The following MGAT5 variants were observed in gnomAD, a reference collection of about 807,000 sequenced individuals.
MGAT5 encodes alpha-1,6-mannosylglycoprotein 6-beta-N-acetylglucosaminyltransferase A.
Under a neutral mutation model 94.3 loss-of-function variants are expected in MGAT5, and 30 were observed. The observed-to-expected ratio is 0.32, with a 90% CI of 0.24 to 0.43. The LOEUF is 0.43. Among genes scored for constraint, MGAT5 ranks in the 20% least tolerant of loss-of-function variants. The pLI, the probability that MGAT5 is intolerant of heterozygous loss-of-function variation, is 1.00. For synonymous variants in MGAT5, 310 were observed against 322.9 expected, an observed-to-expected ratio of 0.96 and a Z score of 0.43; for missense variants, 691 against 905.5, an observed-to-expected ratio of 0.76 and a Z score of 3.04.
chr2:134,369,834 A>G (rs548193153), intron 10 of MGAT5, among the ~76,000 whole-genome samples: 22 of 151,980 alleles, frequency 1.4e-4, no homozygotes, highest in African/African-American at 4.6e-4. Flanking sequence ...TTTGATGACA[A>G]CTGGATAAGA....
At chr2:134,274,731 C>T (rs1033319010) in intron 2 of MGAT5, among the ~76,000 whole-genome samples, 2 of 152,180 alleles carry the variant, frequency 1.3e-5, no homozygotes, top group South Asian at 2.1e-4. Flanking sequence ...TGCAAGGTCA[C>T]TTGGGAAGCA....
intron 1 of MGAT5, among the ~76,000 whole-genome samples, chr2:134,204,321 T>A (rs984477235): frequency 6.6e-6 from 1 of 152,168 alleles, no homozygotes; most frequent in Non-Finnish European, 1.5e-5. Context: ...GTACGAGAAA[T>A]TCTAATTTCT....
intron 2 of MGAT5, among the ~76,000 whole-genome samples, chr2:134,309,128 G>T (rs550226168): frequency 1.6e-4 from 24 of 152,226 alleles, no homozygotes; most frequent in African/African-American, 5.8e-4. Flanking sequence ...TGTTTTCAAG[G>T]TTCATCTGTG....
chr2:134,343,744 T>A (rs1176497915), intron 7 of MGAT5, among the ~76,000 whole-genome samples: 2 of 152,166 alleles, frequency 1.3e-5, no homozygotes, highest in African/African-American at 2.4e-5. Context: ...AAACTATGGC[T>A]CAGCAGGCCA....
intron 1 of MGAT5, among the ~76,000 whole-genome samples, chr2:134,193,703 GT>G (rs1679352772): frequency 6.6e-6 from 1 of 151,364 alleles, no homozygotes; most frequent in Admixed American, 6.6e-5. Context: ...GTGTGTGTGT[GT>G]GTGTGTGTGT....
At chr2:134,297,319 G>T (rs1191125710) in intron 2 of MGAT5, among the ~76,000 whole-genome samples, 1 of 151,950 alleles carries the variant, frequency 6.6e-6, no homozygotes, top group East Asian at 1.9e-4. Flanking sequence ...AATTCTTTTA[G>T]GTATGTTAAG....
At chr2:134,191,731 C>CCCTCCT (rs530032788) in intron 1 of MGAT5, among the ~76,000 whole-genome samples, 4 of 139,304 alleles carry the variant, frequency 2.9e-5, no homozygotes, top group East Asian at 2.3e-4. Context: ...TGGGTTCGCG[C>CCCTCCT]CCTCCTCCTC....
chr2:134,280,444 CAG>C (rs1684621826), intron 2 of MGAT5, among the ~76,000 whole-genome samples: 2 of 152,242 alleles, frequency 1.3e-5, no homozygotes, highest in African/African-American at 4.8e-5. Flanking sequence ...CTGGGATTGA[CAG>C]AGCATTATAA....
At chr2:134,245,949 A>C (rs1357535023) in intron 1 of MGAT5, among the ~76,000 whole-genome samples, 1 of 152,188 alleles carries the variant, frequency 6.6e-6, no homozygotes, top group Non-Finnish European at 1.5e-5. Context: ...TAGTGTAATG[A>C]ATTAAAACTC....
chr2:134,234,969 G>A (rs957283463), intron 1 of MGAT5, among the ~76,000 whole-genome samples: 10 of 130,852 alleles, frequency 7.6e-5, no homozygotes, highest in South Asian at 5.3e-4. Flanking sequence ...TTGCAGATGC[G>A]TTTTATTTGG....
At chr2:134,202,836 TCTCCCCCAAAAAATCAATG>T (rs1466832103) in intron 1 of MGAT5, among the ~76,000 whole-genome samples, 2 of 151,748 alleles carry the variant, frequency 1.3e-5, no homozygotes, top group African/African-American at 4.8e-5. Flanking sequence ...CAAACACAAT[TCTCCCCCAAAAAATCAATG>T]CAATTTCCTA....
At chr2:134,281,587 A>T (rs1684698406) in intron 2 of MGAT5, among the ~76,000 whole-genome samples, 1 of 152,202 alleles carries the variant, frequency 6.6e-6, no homozygotes, top group African/African-American at 2.4e-5. Context: ...GCAATGATGT[A>T]CAGGAACTGG....
At chr2:134,203,576 G>GGAGGCTGAATGGAAGAGAGGAC (rs1404062256) in intron 1 of MGAT5, among the ~76,000 whole-genome samples, 8 of 152,098 alleles carry the variant, frequency 5.3e-5, no homozygotes, top group African/African-American at 1.4e-4. Context: ...GAGGGTGTGC[G>GGAGGCTGAATGGAAGAGAGGAC]GAGGCTGAAT....
intron 2 of MGAT5, among the ~76,000 whole-genome samples, chr2:134,283,582 A>G (rs918874896): frequency 6.7e-6 from 1 of 150,240 alleles, no homozygotes; most frequent in African/African-American, 2.5e-5. Context: ...ATAGGGTTCA[A>G]CTTCTTGTCT....
chr2:134,349,504 C>T (rs1679227004), intron 8 of MGAT5, among the ~76,000 whole-genome samples: 1 of 152,158 alleles, frequency 6.6e-6, no homozygotes, highest in Non-Finnish European at 1.5e-5. Flanking sequence ...TTGAACATGG[C>T]AGTCCCCAGT....
intron 1 of MGAT5, among the ~76,000 whole-genome samples, chr2:134,184,375 G>T (rs1688893700): frequency 6.6e-6 from 1 of 152,122 alleles, no homozygotes; most frequent in Non-Finnish European, 1.5e-5. Context: ...ATTCCAGCCT[G>T]CAGGGAAGGG....
chr2:134,454,017 C>T lies in MGAT5; in HGVS notation c.*5170C>T, dbSNP rs1686235205. Reference sequence around the variant, plus strand: ...GATTCTGTTCCGCCAAATCAGCAGTCTCGTCCTGTGGATGCAGTGACTGGA... The same window carrying T: ...GATTCTGTTCCGCCAAATCAGCAGTTTCGTCCTGTGGATGCAGTGACTGGA... On this transcript the variant is annotated 3_prime_UTR_variant, in exon 16 of 16. Coordinates refer to ENST00000281923, the MANE Select transcript of MGAT5 (RefSeq NM_002410.5). 2 of 152,206 alleles carry T rather than the reference C, an allele frequency of 1.3e-5. No homozygotes were observed. Among genetic ancestry groups the T allele is most frequent in the Admixed American group, 1.3e-4 (2 of 15,292 alleles). 9.4% of individuals were successfully genotyped at this position (152,206 alleles called of 1,614,324 possible). A position where few individuals can be genotyped will look rare whatever the true frequency, so the allele number is the denominator to read the frequency against.
upstream of MGAT5, among the ~76,000 whole-genome samples, chr2:134,252,005 T>C (rs1446044427): frequency 6.6e-6 from 1 of 152,222 alleles, no homozygotes; most frequent in Non-Finnish European, 1.5e-5. Flanking sequence ...TGTGCCTGGA[T>C]TATTTCATTT....
intron 14 of MGAT5, among the ~76,000 whole-genome samples, chr2:134,431,519 G>C (rs1049506100): frequency 6.6e-6 from 1 of 152,142 alleles, no homozygotes; most frequent in African/African-American, 2.4e-5. Context: ...TGTTTTAGAG[G>C]TTGGAGTATT....
Sources: allele counts gnomAD v4.1 joint callset (sites outside exome capture counted in the v4.1 genomes callset), GRCh38; gene constraint gnomAD v4.1.1; transcripts MANE v1.5; gene names NCBI Gene and HGNC (gene_info 2026-07-23, HGNC 2026-07-21).